The following RAB4B variants were observed in gnomAD, a reference collection of about 807,000 sequenced individuals.
RAB4B encodes the protein ras-related protein Rab-4B.
RAB4B carries 15 observed loss-of-function variants against 28.3 expected under a neutral mutation model. That is an observed-to-expected ratio of 0.53 (90% CI 0.35 to 0.82). The LOEUF (loss-of-function observed/expected upper bound fraction) is 0.82, where lower values mean the gene tolerates loss of function less well. Among genes scored for constraint, RAB4B ranks in the 40% least tolerant of loss-of-function variants. The pLI, the probability that RAB4B is intolerant of heterozygous loss-of-function variation, is 0.01. For missense variants in RAB4B, 244 were observed against 288.5 expected (o/e 0.85, Z 1.12); for synonymous variants, 108 against 116.3 (o/e 0.93, Z 0.46).
intron 7 of RAB4B, among the ~76,000 whole-genome samples, chr19:40,793,796 C>T (rs2083182813): frequency 6.6e-6 from 1 of 151,578 alleles, no homozygotes; most frequent in South Asian, 2.1e-4. Context: ...TGGTGGTGTG[C>T]TCCTGTAATC....
chr19:40,784,160 C>A, intron 5 of RAB4B, 85 bp downstream of exon 5: 4 of 1,460,866 alleles, frequency 2.7e-6, no homozygotes, highest in South Asian at 1.4e-5. Flanking sequence ...GTGGCTGTAC[C>A]CAGCAGGGGA....
At chr19:40,781,296 A>G (rs1033455578) in intron 3 of RAB4B, among the ~76,000 whole-genome samples, 1 of 145,484 alleles carries the variant, frequency 6.9e-6, no homozygotes, top group African/African-American at 2.7e-5. Context: ...CTGAATAAAT[A>G]AATAAATAAA....
At chr19:40,778,420 T>C in intron 1 of RAB4B, 29 bp downstream of exon 1, 1 of 1,445,156 alleles carries the variant, frequency 6.9e-7, no homozygotes, top group Non-Finnish European at 9.1e-7. Context: ...GCTGGGGTCC[T>C]GGGTCTGGGC....
intron 1 of RAB4B, among the ~76,000 whole-genome samples, chr19:40,778,883 GC>G (rs1057483317): frequency 1.2e-4 from 18 of 152,190 alleles, no homozygotes; most frequent in African/African-American, 3.9e-4. Flanking sequence ...TGAGAATGGA[GC>G]CGGGTTCTGG....
chr19:40,790,169 T>C (rs1568494798), intron 7 of RAB4B, among the ~76,000 whole-genome samples: 1 of 152,034 alleles, frequency 6.6e-6, no homozygotes, highest in East Asian at 1.9e-4. Flanking sequence ...AGAGTTCCTC[T>C]GGCTGCATAA....
At chr19:40,783,742 A>C in intron 3 of RAB4B, 36 bp from the exon 4 acceptor site, 3 of 1,520,998 alleles carry the variant, frequency 2.0e-6, no homozygotes, top group Non-Finnish European at 2.6e-6. Flanking sequence ...GGCAGACCCC[A>C]GCCTTGGGGG....
chr19:40,784,218 G>A lies in RAB4B; in HGVS notation c.430+143G>A, dbSNP rs1351324375. Reference sequence around the variant, plus strand: ...GTTCAAATTTGAGTGTTGGCTGGGTGTAGTGGCTCACACCTGTAATCCCAG... The same window carrying A: ...GTTCAAATTTGAGTGTTGGCTGGGTATAGTGGCTCACACCTGTAATCCCAG... On this transcript the variant is annotated intron_variant, in intron 5 of 7. Coordinates refer to ENST00000357052, the MANE Select transcript of RAB4B (RefSeq NM_016154.5). 4.2e-6 allele frequency: 5 copies of A among 1,190,916 alleles called. No homozygotes were observed. In the East Asian group the frequency reaches 1.0e-4, roughly 25 times the overall value. 73.8% of individuals were successfully genotyped at this position (1,190,916 alleles called of 1,614,324 possible).
At chr19:40,795,474 A>G (rs1422884071) in intron 7 of RAB4B, among the ~76,000 whole-genome samples, 3 of 151,644 alleles carry the variant, frequency 2.0e-5, no homozygotes, top group Admixed American at 1.3e-4. Context: ...ATCTTGGCTC[A>G]CTGCAACCTC....
At chr19:40,783,862 G>C (rs1599741873) in intron 4 of RAB4B, 22 bp downstream of exon 4, 1 of 1,572,628 alleles carries the variant, frequency 6.4e-7, no homozygotes, top group Admixed American at 1.8e-5. Flanking sequence ...GGGTGGGTGG[G>C]GTAGGGCATG....
At chr19:40,791,218 G>T (rs2083156551) in intron 7 of RAB4B, among the ~76,000 whole-genome samples, 2 of 151,942 alleles carry the variant, frequency 1.3e-5, no homozygotes, top group African/African-American at 4.8e-5. Context: ...TTGAACTCCT[G>T]ACTTCAGGTG....
intron 3 of RAB4B, 115 bp from the exon 4 acceptor site, chr19:40,783,663 G>GA: frequency 2.0e-6 from 2 of 999,580 alleles, no homozygotes; most frequent in South Asian, 2.5e-5. Context: ...GGTTTTGGGG[G>GA]ATGGGCCAGC....
rs779202480 is a variant in RAB4B, at chr19:40,780,493, G to A, written c.206G>A (p.Arg69Gln). 13 of 1,613,108 alleles carry A rather than the reference G, an allele frequency of 8.1e-6. No individual in the cohort carries two copies. Among genetic ancestry groups the A allele is most frequent in the South Asian group, 2.2e-5 (2 of 90,950 alleles). ...ATTTGGGACACGGCTGGCCAGGAGC[G>A]GTTTCGGTAGGTGGGCTGGGCTCCC... is the stretch of plus-strand genomic sequence containing the variant. Reference protein sequence around the residue: ...LQIWDTAGQERFRSVTRSYYR... With the variant: ...LQIWDTAGQEQFRSVTRSYYR... The change falls in exon 3 of 8, where the codon CGG becomes CAG. Residue 69 changes from arginine to glutamine, a missense_variant. Physicochemically the swap from Arg to Gln is conservative, Grantham distance 43 (BLOSUM62 1). Coordinates refer to ENST00000357052, the MANE Select transcript of RAB4B (RefSeq NM_016154.5).
At chr19:40,789,013 C>T (rs1056965517) in intron 7 of RAB4B, among the ~76,000 whole-genome samples, 2 of 151,796 alleles carry the variant, frequency 1.3e-5, no homozygotes, top group Non-Finnish European at 2.9e-5. Flanking sequence ...ATCTCTTGAC[C>T]TTGTGATCTG....
intron 7 of RAB4B, among the ~76,000 whole-genome samples, 200 bp downstream of exon 7, chr19:40,787,178 G>A (rs1286075602): frequency 2.0e-5 from 3 of 151,930 alleles, no homozygotes; most frequent in East Asian, 1.9e-4. Flanking sequence ...CGAGGCGGGC[G>A]GAGGCAGTTC....
In RAB4B at chr19:40,785,080, T is replaced by C. The variant is rs193040039; in HGVS notation, c.430+1005T>C. On this transcript the variant is annotated intron_variant, in intron 5 of 7. Coordinates refer to ENST00000357052, the MANE Select transcript of RAB4B (RefSeq NM_016154.5). ...CGACTGCCTCGGCCTCCCAAAGTAC[T>C]GGGATTACAGGCGTGAGACACTGCG... 3.9e-5 allele frequency among the ~76,000 whole-genome samples: 6 copies of C among 152,152 alleles called. 1 individual carries two copies. The East Asian group carries it at 1.2e-3, about 29-fold the overall frequency.
intron 2 of RAB4B, 127 bp from the exon 3 acceptor site, chr19:40,780,258 C>G (rs2287691): frequency 0.17 from 239,005 of 1,434,084 alleles, 21,204 homozygotes; most frequent in African/African-American, 0.32. Flanking sequence ...CTAGGTTCTC[C>G]TTGACCTCAA....
chr19:40,783,638 AC>A, intron 3 of RAB4B, 139 bp from the exon 4 acceptor site: 1 of 653,982 alleles, frequency 1.5e-6, no homozygotes, highest in South Asian at 3.5e-5. Context: ...TTGCATGGTG[AC>A]CCGACCAAGG....
At chr19:40,789,481 C>T (rs1050540573) in intron 7 of RAB4B, among the ~76,000 whole-genome samples, 3 of 143,498 alleles carry the variant, frequency 2.1e-5, no homozygotes, top group East Asian at 2.1e-4. Context: ...GGATTACAGG[C>T]GGGAGCCACC....
rs10594318 is a variant in RAB4B, at chr19:40,795,369, TTTTATTTA to T, written c.*16-1168_*16-1161del. Among the ~76,000 whole-genome samples the T allele has an allele frequency of 4.2e-3, 609 of 145,646 alleles. 2 individuals carry two copies. The highest frequency in any genetic ancestry group is 8.4e-3 in the African/African-American group (326 of 38,728). ...ACAGAAAGATACAAAGGCAGGTTCA[TTTTATTTA>T]TTTATTTATTTATTTATTTATTTAT... On this transcript the variant is annotated intron_variant, in intron 7 of 7. Coordinates refer to ENST00000357052, the MANE Select transcript of RAB4B (RefSeq NM_016154.5).
Sources: allele counts gnomAD v4.1 joint callset (sites outside exome capture counted in the v4.1 genomes callset), GRCh38; gene constraint gnomAD v4.1.1; transcripts MANE v1.5; gene names NCBI Gene and HGNC (gene_info 2026-07-23, HGNC 2026-07-21).